Variants in CSMD1 observed in about 807,000 individuals in gnomAD.
CSMD1 encodes CUB and sushi domain-containing protein 1.
CSMD1 carries 213 observed loss-of-function variants against 417.5 expected under a neutral mutation model. That is an observed-to-expected ratio of 0.51 (90% CI 0.46 to 0.57). CSMD1 has a LOEUF of 0.57. CSMD1 is among the 20% of genes least tolerant of loss of function. CSMD1 has a pLI of 0.00. For missense variants in CSMD1, 6,923 were observed against 4,529.7 expected, an observed-to-expected ratio of 1.53 and a Z score of -15.17; for synonymous variants, 2,862 against 1,736.8, an observed-to-expected ratio of 1.65 and a Z score of -16.11.
intron 3 of CSMD1, among the ~76,000 whole-genome samples, chr8:4,168,905 C>A (rs181713672): frequency 8.5e-5 from 13 of 152,284 alleles, no homozygotes; most frequent in Admixed American, 7.8e-4. Flanking sequence ...ATCCAACCGC[C>A]AGTGCCAGGC....
At chr8:2,993,078 C>T (rs963958877) in intron 54 of CSMD1, among the ~76,000 whole-genome samples, 6 of 152,180 alleles carry the variant, frequency 3.9e-5, no homozygotes, top group Admixed American at 6.5e-5. Flanking sequence ...AAAGGATTGT[C>T]CAATATCATG....
chr8:3,957,712 G>GAAAAA (rs1812054305), intron 5 of CSMD1, among the ~76,000 whole-genome samples: 1 of 114,008 alleles, frequency 8.8e-6, no homozygotes, highest in Non-Finnish European at 1.9e-5. Flanking sequence ...AAGAGGAAAA[G>GAAAAA]AGAAAAGAAA....
At chr8:3,976,643 A>C (rs895803339) in intron 5 of CSMD1, among the ~76,000 whole-genome samples, 1 of 152,210 alleles carries the variant, frequency 6.6e-6, no homozygotes, top group East Asian at 1.9e-4. Context: ...GACCACCCTG[A>C]TCAATGTGAC....
intron 5 of CSMD1, among the ~76,000 whole-genome samples, chr8:3,817,430 G>A (rs538431186): frequency 6.6e-5 from 10 of 151,646 alleles, no homozygotes; most frequent in East Asian, 5.9e-4. Context: ...ATAGGCGTGC[G>A]CCAACATTCC....
intron 7 of CSMD1, among the ~76,000 whole-genome samples, chr8:3,703,155 T>C (rs1236562263): frequency 1.3e-5 from 2 of 152,174 alleles, no homozygotes; most frequent in Admixed American, 6.5e-5. Context: ...AAAAAGGAAA[T>C]TCTAAATCTT....
At chr8:4,315,011 G>C (rs1163709289) in intron 3 of CSMD1, among the ~76,000 whole-genome samples, 2 of 152,126 alleles carry the variant, frequency 1.3e-5, no homozygotes, top group African/African-American at 2.4e-5. Context: ...GCCCCAGCCT[G>C]AGAAAAGAGG....
At chr8:3,956,687 G>A (rs945135161) in intron 5 of CSMD1, among the ~76,000 whole-genome samples, 1 of 152,068 alleles carries the variant, frequency 6.6e-6, no homozygotes, top group East Asian at 1.9e-4. Flanking sequence ...TACCCGATGT[G>A]GCAGAACCTA....
chr8:3,935,849 A>G (rs574992066), intron 5 of CSMD1, among the ~76,000 whole-genome samples: 83 of 152,166 alleles, frequency 5.5e-4, no homozygotes, highest in Admixed American at 1.4e-3. Context: ...ACTTTAAATC[A>G]AAAGCTAGAA....
intron 26 of CSMD1, among the ~76,000 whole-genome samples, chr8:3,282,114 C>T (rs1802784895): frequency 6.6e-6 from 1 of 152,110 alleles, no homozygotes; most frequent in Non-Finnish European, 1.5e-5. Context: ...TGATAAATTA[C>T]CCAGTCTCAG....
At chr8:4,489,861 C>G (rs906426623) in intron 2 of CSMD1, among the ~76,000 whole-genome samples, 7 of 152,096 alleles carry the variant, frequency 4.6e-5, no homozygotes, top group African/African-American at 1.7e-4. Flanking sequence ...AAGCAGGGTG[C>G]CCAGCCATGC....
intron 7 of CSMD1, among the ~76,000 whole-genome samples, chr8:3,679,489 C>G (rs1410343021): frequency 1.3e-5 from 2 of 152,166 alleles, no homozygotes; most frequent in Admixed American, 6.5e-5. Context: ...AGCTAACTAT[C>G]CTAAATATAT....
intron 12 of CSMD1, among the ~76,000 whole-genome samples, chr8:3,445,495 C>A (rs780021219): frequency 5.3e-5 from 8 of 152,098 alleles, no homozygotes; most frequent in Non-Finnish European, 7.4e-5. Flanking sequence ...TGGAACCAAG[C>A]CTCTATAGCT....
intron 3 of CSMD1, among the ~76,000 whole-genome samples, chr8:4,329,499 G>A (rs950191874): frequency 1.3e-5 from 2 of 152,114 alleles, no homozygotes; most frequent in African/African-American, 2.4e-5. Flanking sequence ...CGTTGGCCAG[G>A]CCAGTCTCAA....
intron 1 of CSMD1, among the ~76,000 whole-genome samples, chr8:4,724,902 C>T (rs1809323942): frequency 6.6e-6 from 1 of 152,026 alleles, no homozygotes; most frequent in Admixed American, 6.5e-5. Flanking sequence ...ATGAATGAAA[C>T]AAATCATACA....
intron 3 of CSMD1, among the ~76,000 whole-genome samples, chr8:4,348,169 G>T (rs905625435): frequency 6.6e-6 from 1 of 152,138 alleles, no homozygotes; most frequent in Non-Finnish European, 1.5e-5. Flanking sequence ...CATATTTACT[G>T]CATATGATCT....
intron 1 of CSMD1, among the ~76,000 whole-genome samples, chr8:4,748,657 T>A (rs933555199): frequency 1.2e-4 from 19 of 152,352 alleles, no homozygotes; most frequent in Middle Eastern, 3.4e-3. Flanking sequence ...AGAATTTAAA[T>A]TTTTAGTCTA....
chr8:3,295,271 C>G (rs1349419238), intron 25 of CSMD1, among the ~76,000 whole-genome samples: 2 of 151,896 alleles, frequency 1.3e-5, no homozygotes, highest in Non-Finnish European at 2.9e-5. Flanking sequence ...ACTACAGGTG[C>G]CCACCACCAC....
At chr8:4,797,294 A>G (rs1284723614) in intron 1 of CSMD1, among the ~76,000 whole-genome samples, 1 of 152,174 alleles carries the variant, frequency 6.6e-6, no homozygotes, top group African/African-American at 2.4e-5. Context: ...TTTTAAAACA[A>G]TGATGCTGCT....
chr8:3,516,887 A>C (rs1375540122), intron 10 of CSMD1, among the ~76,000 whole-genome samples: 1 of 152,246 alleles, frequency 6.6e-6, no homozygotes, highest in African/African-American at 2.4e-5. Context: ...TGTTTATAGC[A>C]GCACAATTCA....
Sources: allele counts gnomAD v4.1 joint callset (sites outside exome capture counted in the v4.1 genomes callset), GRCh38; gene constraint gnomAD v4.1.1; transcripts MANE v1.5; gene names NCBI Gene and HGNC (gene_info 2026-07-23, HGNC 2026-07-21).